Variants in SOX5 observed in about 807,000 individuals in gnomAD.
SOX5 encodes SRY-box transcription factor 5.
A neutral mutation model predicts 92.0 loss-of-function variants in SOX5; 9 were observed. That is an observed-to-expected ratio of 0.10 (90% CI 0.06 to 0.17). The LOEUF is 0.17. SOX5 is among the 10% of genes least tolerant of loss of function. The pLI is 1.00. For synonymous variants in SOX5, 344 were observed against 336.3 expected, an observed-to-expected ratio of 1.02 and a Z score of -0.25; for missense variants, 642 against 944.5, an observed-to-expected ratio of 0.68 and a Z score of 4.20.
chr12:23,710,681 A>T (rs1251273637), intron 6 of SOX5, among the ~76,000 whole-genome samples: 3 of 152,194 alleles, frequency 2.0e-5, no homozygotes, highest in Non-Finnish European at 4.4e-5. Context: ...TGCTATTGTG[A>T]ATAGTGCCAC....
intron 6 of SOX5, among the ~76,000 whole-genome samples, chr12:23,673,364 G>A (rs117008336): frequency 1.3e-3 from 196 of 151,982 alleles, no homozygotes; most frequent in Middle Eastern, 3.4e-3. Flanking sequence ...ATTACTTATT[G>A]TAGTTCTTGA....
chr12:23,900,514 C>T (rs1425818246), intron 1 of SOX5, among the ~76,000 whole-genome samples: 4 of 152,112 alleles, frequency 2.6e-5, no homozygotes, highest in Non-Finnish European at 5.9e-5. Flanking sequence ...TTTGCCTGCA[C>T]ATTGGAATTA....
intron 4 of SOX5, among the ~76,000 whole-genome samples, chr12:24,182,910 C>T (rs1293036329): frequency 6.6e-6 from 1 of 152,128 alleles, no homozygotes; most frequent in Admixed American, 6.6e-5. Flanking sequence ...TATGGGGTTT[C>T]ATCATGTTCA....
chr12:23,779,166 T>C (rs772180344), intron 3 of SOX5, among the ~76,000 whole-genome samples: 1 of 152,140 alleles, frequency 6.6e-6, no homozygotes, highest in South Asian at 2.1e-4. Context: ...CTTTCATAAA[T>C]TGTCATTTAG....
intron 4 of SOX5, among the ~76,000 whole-genome samples, chr12:24,045,723 C>A (rs1212158899): frequency 2.6e-5 from 4 of 152,182 alleles, no homozygotes. Context: ...TATGCAGAAA[C>A]CAGTATGTAT....
intron 2 of SOX5, among the ~76,000 whole-genome samples, chr12:24,301,627 C>G (rs1947961148): frequency 6.6e-6 from 1 of 152,084 alleles, no homozygotes; most frequent in Non-Finnish European, 1.5e-5. Flanking sequence ...TTATTCAGCC[C>G]TTTATTGCAG....
intron 9 of SOX5, among the ~76,000 whole-genome samples, chr12:23,593,975 T>A (rs1250220852): frequency 6.6e-6 from 1 of 152,152 alleles, no homozygotes; most frequent in African/African-American, 2.4e-5. Context: ...TTAAAAGGCA[T>A]TAAGTAAAAC....
chr12:23,776,240 A>G (rs1292308959), intron 3 of SOX5, among the ~76,000 whole-genome samples: 1 of 152,212 alleles, frequency 6.6e-6, no homozygotes, highest in Non-Finnish European at 1.5e-5. Context: ...TGTAACTTAA[A>G]TGAACTTATA....
At chr12:24,255,812 C>T (rs1252119004) in intron 3 of SOX5, among the ~76,000 whole-genome samples, 1 of 152,144 alleles carries the variant, frequency 6.6e-6, no homozygotes, top group African/African-American at 2.4e-5. Flanking sequence ...TTTGAAACTG[C>T]TTATAAGTTC....
chr12:23,736,754 G>A (rs575887021), intron 5 of SOX5, among the ~76,000 whole-genome samples: 53 of 148,708 alleles, frequency 3.6e-4, no homozygotes, highest in African/African-American at 1.2e-3. Flanking sequence ...GCAATGGCGC[G>A]ATCTCAGCTT....
At chr12:24,151,573 T>G (rs569475962) in intron 4 of SOX5, among the ~76,000 whole-genome samples, 11 of 152,286 alleles carry the variant, frequency 7.2e-5, no homozygotes, top group South Asian at 2.1e-4. Context: ...GTGAGGTTTT[T>G]TTTTGTTTTG....
intron 6 of SOX5, among the ~76,000 whole-genome samples, chr12:23,700,626 C>T (rs532223976): frequency 7.0e-4 from 107 of 151,974 alleles, no homozygotes; most frequent in African/African-American, 2.3e-3. Flanking sequence ...GTGGCCACTA[C>T]AATTTTAAAT....
At chr12:23,543,155 A>G in intron 13 of SOX5, 56 bp downstream of exon 13, 1 of 1,448,360 alleles carries the variant, frequency 6.9e-7, no homozygotes. Context: ...ACAACTGCAG[A>G]AAACAGAACA....
chr12:23,857,774 C>T (rs1038212507), intron 2 of SOX5, among the ~76,000 whole-genome samples: 1 of 151,050 alleles, frequency 6.6e-6, no homozygotes, highest in Non-Finnish European at 1.5e-5. Flanking sequence ...GCTCTGTAGC[C>T]CAGGCTGGAG....
chr12:23,880,623 A>T (rs1033393273), intron 2 of SOX5, among the ~76,000 whole-genome samples: 3 of 152,162 alleles, frequency 2.0e-5, no homozygotes, highest in Admixed American at 6.5e-5. Flanking sequence ...ACAGGGAATG[A>T]AGTAGCACCT....
rs192301470 is a variant in SOX5 at position 24,455,802 on chromosome 12, G to A, written c.-250-87163C>T. ...GACCAAGGCCCTCCTTCCAGCTGCC[G>A]GGAGGTCTGACTGCTGATCACTCCC... On this transcript the variant is annotated intron_variant, in intron 1 of 4. Coordinates refer to the SOX5 transcript ENST00000446891. Among the ~76,000 whole-genome samples the A allele has an allele frequency of 9.2e-5, 14 of 152,210 alleles. No homozygotes were observed. In the East Asian group the frequency reaches 2.1e-3, roughly 23 times the overall value.
chr12:23,734,699 G>C lies in SOX5; in HGVS notation c.795C>G (p.Leu265=). Residue 265 remains leucine, a synonymous_variant, in exon 6 of 15, where the codon CTC becomes CTG. Transcript: ENST00000451604. ...LLQQQHKINL[L]QQQIQVQGQL... ...GATTTCTGACCTGGATCTGTTGCTGGAGCAAATTGATTTTGTGTTGTTGCT... is the reference window on the plus strand; with the variant it reads ...GATTTCTGACCTGGATCTGTTGCTGCAGCAAATTGATTTTGTGTTGTTGCT... 1.2e-6 allele frequency: 2 copies of C among 1,612,160 alleles called. No homozygotes were observed. The highest frequency in any genetic ancestry group is 1.7e-6 in the Non-Finnish European group (2 of 1,178,784).
chr12:24,136,155 A>T (rs1950086089), intron 4 of SOX5, among the ~76,000 whole-genome samples: 1 of 152,266 alleles, frequency 6.6e-6, no homozygotes, highest in African/African-American at 2.4e-5. Context: ...AAGCTCCAGA[A>T]AATGATGACA....
chr12:23,698,542 C>T (rs912569805), intron 6 of SOX5, among the ~76,000 whole-genome samples: 2 of 152,168 alleles, frequency 1.3e-5, no homozygotes, highest in Non-Finnish European at 2.9e-5. Context: ...AGCTTCCAAT[C>T]ATCTCCTTAT....
Sources: gnomAD v4.1 joint callset for allele counts (sites outside exome capture counted in the v4.1 genomes callset) on GRCh38, gnomAD v4.1.1 for gene constraint, MANE v1.5 for transcripts, NCBI Gene and HGNC (gene_info 2026-07-23, HGNC 2026-07-21) for gene names.